RAPGEF6: variants seen among roughly 807,000 people sequenced by gnomAD.
RAPGEF6 encodes the protein Rap guanine nucleotide exchange factor 6.
RAPGEF6 carries 56 observed loss-of-function variants against 171.4 expected under a neutral mutation model. The ratio of observed to expected loss-of-function variants is 0.33; its 90% CI spans 0.26 to 0.41. RAPGEF6 has a LOEUF of 0.41. Ranked by LOEUF, RAPGEF6 falls within the 10% of genes least tolerant of loss-of-function variation. The pLI, the probability that RAPGEF6 is intolerant of heterozygous loss-of-function variation, is 1.00. For missense variants in RAPGEF6, 1,674 were observed against 1,921.4 expected, an observed-to-expected ratio of 0.87 and a Z score of 2.41; for synonymous variants, 692 against 650.1, an observed-to-expected ratio of 1.06 and a Z score of -0.98.
At chr5:131,596,176 A>G (rs912811710) in intron 3 of RAPGEF6, among the ~76,000 whole-genome samples, 3 of 150,928 alleles carry the variant, frequency 2.0e-5, no homozygotes, top group Non-Finnish European at 3.0e-5. Flanking sequence ...AAAAAAGTTA[A>G]AGGATAGAAA....
intron 7 of RAPGEF6, among the ~76,000 whole-genome samples, chr5:131,513,336 T>C (rs781745660): frequency 6.6e-6 from 1 of 152,188 alleles, no homozygotes; most frequent in Non-Finnish European, 1.5e-5. Flanking sequence ...TCCTAGTATA[T>C]CCCTTTTCTA....
intron 3 of RAPGEF6, among the ~76,000 whole-genome samples, chr5:131,598,957 A>G (rs1764064304): frequency 6.6e-6 from 1 of 152,216 alleles, no homozygotes; most frequent in Non-Finnish European, 1.5e-5. Flanking sequence ...TTGAAGAACA[A>G]GCCTGAGTAC....
At chr5:131,453,007 T>G in intron 21 of RAPGEF6, 47 bp downstream of exon 21, 1 of 1,552,376 alleles carries the variant, frequency 6.4e-7, no homozygotes, top group Non-Finnish European at 8.7e-7. Flanking sequence ...AATTATTACA[T>G]CACCCTTGAT....
chr5:131,575,295 T>A (rs1355580066), intron 4 of RAPGEF6, among the ~76,000 whole-genome samples: 1 of 152,172 alleles, frequency 6.6e-6, no homozygotes, highest in Non-Finnish European at 1.5e-5. Context: ...TTTCTTTCCA[T>A]CCGTTTCTCA....
At chr5:131,623,692 T>G (rs1765734101) in intron 1 of RAPGEF6, among the ~76,000 whole-genome samples, 1 of 151,778 alleles carries the variant, frequency 6.6e-6, no homozygotes, top group African/African-American at 2.4e-5. Flanking sequence ...TCCATGTCGG[T>G]CAGGCTGGTT....
chr5:131,628,302 A>G (rs1431213568), intron 1 of RAPGEF6, among the ~76,000 whole-genome samples: 1 of 152,184 alleles, frequency 6.6e-6, no homozygotes, highest in African/African-American at 2.4e-5. Flanking sequence ...AAAAAAGTGA[A>G]AAAGTCTTAT....
intron 1 of RAPGEF6, among the ~76,000 whole-genome samples, chr5:131,633,074 C>G (rs1282607895): frequency 6.6e-6 from 1 of 152,186 alleles, no homozygotes; most frequent in Non-Finnish European, 1.5e-5. Flanking sequence ...GGGCTCACAC[C>G]TATAATCCCA....
At chr5:131,471,055 C>A (rs563679917) in intron 17 of RAPGEF6, among the ~76,000 whole-genome samples, 14 of 152,204 alleles carry the variant, frequency 9.2e-5, no homozygotes, top group Non-Finnish European at 1.9e-4. Flanking sequence ...CTTAGTGCTT[C>A]CTTTACCCTT....
At chr5:131,476,517 T>C (rs1054948828) in intron 16 of RAPGEF6, among the ~76,000 whole-genome samples, 3 of 152,154 alleles carry the variant, frequency 2.0e-5, no homozygotes, top group African/African-American at 7.2e-5. Flanking sequence ...TGCAGTGCAG[T>C]GGCACGAGCT....
intron 11 of RAPGEF6, among the ~76,000 whole-genome samples, chr5:131,504,044 C>T (rs183186122): frequency 1.2e-3 from 177 of 152,204 alleles, no homozygotes; most frequent in African/African-American, 4.2e-3. Context: ...AACTGACTCC[C>T]GCTCTCAGTG....
intron 15 of RAPGEF6, among the ~76,000 whole-genome samples, chr5:131,485,910 A>G (rs1580899878): frequency 6.6e-6 from 1 of 152,312 alleles, no homozygotes; most frequent in East Asian, 1.9e-4. Context: ...GCTCATACTG[A>G]CTTTTAAGAG....
At chr5:131,494,938 A>G (rs1756529898) in intron 13 of RAPGEF6, among the ~76,000 whole-genome samples, 1 of 152,158 alleles carries the variant, frequency 6.6e-6, no homozygotes, top group Non-Finnish European at 1.5e-5. Flanking sequence ...GACTGAGGGT[A>G]CACATATAAC....
chr5:131,450,863 A>T (rs1753019608), intron 21 of RAPGEF6, among the ~76,000 whole-genome samples: 1 of 152,196 alleles, frequency 6.6e-6, no homozygotes, highest in Non-Finnish European at 1.5e-5. Context: ...GGCCATTCCC[A>T]AGAAAACAGC....
intron 11 of RAPGEF6, 82 bp downstream of exon 11, chr5:131,504,544 C>T: frequency 7.4e-7 from 1 of 1,352,012 alleles, no homozygotes; most frequent in Non-Finnish European, 1.0e-6. Flanking sequence ...TCTTGCATTA[C>T]TTAAAAAATG....
chr5:131,446,805 T>G (rs1423255204), intron 21 of RAPGEF6, 102 bp from the exon 22 acceptor site: 1 of 1,045,186 alleles, frequency 9.6e-7, no homozygotes, highest in African/African-American at 1.6e-5. Flanking sequence ...TATTGCATGC[T>G]GATGTAAATG....
rs183352512 is a variant in RAPGEF6, at chr5:131,448,938, G to C, written c.3201-2235C>G. ...TTGCGATCCAGAAGAAAACACATGG[G>C]AAACACACAGAGAAGGGAGAAAGAA... On this transcript the variant is annotated intron_variant, in intron 21 of 27. Coordinates refer to ENST00000509018, the MANE Select transcript of RAPGEF6 (RefSeq NM_016340.6). 2.6e-4 allele frequency among the ~76,000 whole-genome samples: 39 copies of C among 152,190 alleles called. 1 individual carries two copies. Among genetic ancestry groups the C allele is most frequent in the Admixed American group, 2.5e-3 (38 of 15,274 alleles).
chr5:131,512,739 T>A (rs937132475), intron 7 of RAPGEF6, among the ~76,000 whole-genome samples: 6 of 152,102 alleles, frequency 3.9e-5, no homozygotes. Context: ...AATTATGAAG[T>A]GGGGCCTTTG....
chr5:131,476,365 C>T (rs1426422345), intron 16 of RAPGEF6, among the ~76,000 whole-genome samples: 1 of 152,200 alleles, frequency 6.6e-6, no homozygotes, highest in Non-Finnish European at 1.5e-5. Context: ...GCGCGTGGAT[C>T]ACCTGAGGTC....
At chr5:131,449,957 A>AAAGGATGC (rs1208927505) in intron 21 of RAPGEF6, 2 of 1,452,758 alleles carry the variant, frequency 1.4e-6, no homozygotes, top group East Asian at 4.9e-5. Flanking sequence ...GCATTAATGA[A>AAAGGATGC]AAGGATGCAA....
Sources: allele counts gnomAD v4.1 joint callset (sites outside exome capture counted in the v4.1 genomes callset), GRCh38; gene constraint gnomAD v4.1.1; transcripts MANE v1.5; gene names NCBI Gene and HGNC (gene_info 2026-07-23, HGNC 2026-07-21).